The following ANK3 variants were observed in gnomAD, a reference collection of about 807,000 sequenced individuals.
The protein encoded by ANK3 is ankyrin 3, also known as ankyrin-3.
Under a neutral mutation model 370.9 loss-of-function variants are expected in ANK3, and 57 were observed. That is an observed-to-expected ratio of 0.15 (90% CI 0.12 to 0.19). The LOEUF is 0.19. ANK3 is among the 10% of genes least tolerant of loss of function. The pLI, the probability that ANK3 is intolerant of heterozygous loss-of-function variation, is 1.00. For synonymous variants in ANK3, 1,929 were observed against 1,946.3 expected (o/e 0.99, Z 0.23); for missense variants, 4,439 against 5,302.1 (o/e 0.84, Z 5.06).
chr10:60,437,138 T>G (rs2064179148), intron 2 of ANK3, among the ~76,000 whole-genome samples: 1 of 152,170 alleles, frequency 6.6e-6, no homozygotes, highest in Non-Finnish European at 1.5e-5. Flanking sequence ...AAATTCACAA[T>G]TACTATTTAA....
intron 1 of ANK3, among the ~76,000 whole-genome samples, chr10:60,342,998 T>G (rs1392510216): frequency 6.6e-6 from 1 of 152,114 alleles, no homozygotes; most frequent in Non-Finnish European, 1.5e-5. Flanking sequence ...TAAAAACCTA[T>G]AGAAAACACT....
rs1204796443 is a variant in ANK3 at position 60,071,802 on chromosome 10, T to C, written c.9079A>G (p.Lys3027Glu). 3 of 1,609,716 alleles carry C rather than the reference T, an allele frequency of 1.9e-6. No individual in the cohort carries two copies. The highest frequency in any genetic ancestry group is 2.7e-5 in the African/African-American group (2 of 74,692). ...CATAAACCTACATAACTCTGGTGTT[T>C]GGAAACTTTGCTGATTTCTGAATAG... ...VTYSEISKVS[K>E]HQSYVGLCPP... Residue 3027 changes from lysine to glutamate, a missense_variant, in exon 37 of 44, where the codon AAA becomes GAA. This residue lies in a region of ANK3 where 1,601 missense variants were observed against 1,731.7 expected (regional missense o/e 0.92). Transcript: ENST00000280772.
chr10:60,547,668 G>C (rs142447481), intron 2 of ANK3, among the ~76,000 whole-genome samples: 2,573 of 151,438 alleles, frequency 0.017, 57 homozygotes, highest in Admixed American at 0.07. Context: ...GACAGACAGA[G>C]AGACAGAGAG....
intron 2 of ANK3, among the ~76,000 whole-genome samples, chr10:60,560,245 G>A (rs1342917364): frequency 2.6e-5 from 4 of 152,176 alleles, no homozygotes; most frequent in South Asian, 2.1e-4. Flanking sequence ...TTAATATTTT[G>A]TAGTTTTTAC....
intron 2 of ANK3, among the ~76,000 whole-genome samples, chr10:60,400,026 GTGTGTGTGTGTGTGTGT>G (rs2132900217): frequency 1.6e-5 from 1 of 62,552 alleles, no homozygotes; most frequent in South Asian, 6.9e-4. Context: ...GTGTGTGTGT[GTGTGTGTGTGTGTGTGT>G]GTGTGTGTGT....
At chr10:60,143,107 A>G (rs939051724) in intron 23 of ANK3, among the ~76,000 whole-genome samples, 2 of 152,206 alleles carry the variant, frequency 1.3e-5, no homozygotes, top group Non-Finnish European at 2.9e-5. Flanking sequence ...CATGAACTCA[A>G]ATAGCATTTA....
chr10:60,082,238 A>G (rs2085459566), intron 34 of ANK3, 62 bp from the exon 35 acceptor site: 2 of 1,406,782 alleles, frequency 1.4e-6, no homozygotes. Flanking sequence ...AGGGAAAAGA[A>G]TATCAGGATA....
intron 1 of ANK3, among the ~76,000 whole-genome samples, chr10:60,321,708 G>A (rs1226437248): frequency 6.6e-6 from 1 of 152,192 alleles, no homozygotes; most frequent in African/African-American, 2.4e-5. Context: ...CGCAGAAGTG[G>A]GTGTCAAAGC....
chr10:60,100,583 AATAGT>A (rs2132066558), intron 28 of ANK3, among the ~76,000 whole-genome samples: 1 of 152,336 alleles, frequency 6.6e-6, no homozygotes, highest in Non-Finnish European at 1.5e-5. Context: ...ACAATAAAAC[AATAGT>A]GTAACTATTC....
intron 2 of ANK3, among the ~76,000 whole-genome samples, chr10:60,527,928 G>A (rs751354803): frequency 2.6e-5 from 4 of 152,000 alleles, no homozygotes; most frequent in African/African-American, 9.7e-5. Flanking sequence ...ACCCCTAACT[G>A]CTCCAAAGAG....
At chr10:60,547,256 A>C (rs1308757352) in intron 2 of ANK3, among the ~76,000 whole-genome samples, 1 of 150,680 alleles carries the variant, frequency 6.6e-6, no homozygotes, top group Non-Finnish European at 1.5e-5. Context: ...ATGGCTAGCT[A>C]ATTTTTTTGT....
intron 2 of ANK3, among the ~76,000 whole-genome samples, chr10:60,541,610 G>A (rs1186129940): frequency 6.6e-6 from 1 of 151,828 alleles, no homozygotes; most frequent in African/African-American, 2.4e-5. Context: ...ACAGCACCCA[G>A]CTTTCACTCA....
chr10:60,503,667 A>G (rs571568026), intron 2 of ANK3, among the ~76,000 whole-genome samples: 18 of 152,170 alleles, frequency 1.2e-4, no homozygotes, highest in Non-Finnish European at 2.5e-4. Context: ...CATTATCAAC[A>G]TAATTCAGTT....
chr10:60,629,920 A>C (rs1310685175), intron 1 of ANK3, among the ~76,000 whole-genome samples: 3 of 152,174 alleles, frequency 2.0e-5, no homozygotes, highest in African/African-American at 7.2e-5. Context: ...CCCTCAAAGC[A>C]ATTCAATAGC....
intron 1 of ANK3, among the ~76,000 whole-genome samples, chr10:60,292,632 TAA>T (rs2041670928): frequency 6.6e-6 from 1 of 151,672 alleles, no homozygotes; most frequent in Non-Finnish European, 1.5e-5. Context: ...CAAAAATACC[TAA>T]AGTATTTTTC....
chr10:60,529,750 T>C (rs994519336), intron 2 of ANK3, among the ~76,000 whole-genome samples: 1 of 152,302 alleles, frequency 6.6e-6, no homozygotes, highest in African/African-American at 2.4e-5. Flanking sequence ...TGTGACAATA[T>C]AGCATTTAGA....
chr10:60,148,585 C>T (rs1355577324), intron 23 of ANK3, among the ~76,000 whole-genome samples: 1 of 152,178 alleles, frequency 6.6e-6, no homozygotes, highest in Admixed American at 6.5e-5. Context: ...ATTAGTACTC[C>T]TTAACTCAGA....
Position 60,203,026 on chromosome 10 carries a change from T to C in ANK3, c.1368A>G (p.Gly456=). Residue 456 remains glycine, a synonymous_variant, in exon 12 of 44, where the codon GGA becomes GGG. Coordinates refer to ENST00000280772, the MANE Select transcript of ANK3 (RefSeq NM_020987.5). ...CCACATTGGTGGTGTTTGGTGAGGC[T>C]CCATGATGCATTAGTTGTGATACAA... ...VNIVSQLMHH[G]ASPNTTNVRG... 1 of 1,612,998 alleles carries C rather than the reference T, an allele frequency of 6.2e-7. No individual in the cohort carries two copies. The highest frequency in any genetic ancestry group is 1.3e-5 in the African/African-American group (1 of 75,010).
At chr10:60,677,798 A>AG (rs2079145842) in intron 1 of ANK3, among the ~76,000 whole-genome samples, 1 of 147,290 alleles carries the variant, frequency 6.8e-6, no homozygotes, top group Non-Finnish European at 1.5e-5. Context: ...AAAAAAAAAA[A>AG]AGAAAAGAAA....
Sources: allele counts gnomAD v4.1 joint callset (sites outside exome capture counted in the v4.1 genomes callset), GRCh38; gene constraint gnomAD v4.1.1; regional missense constraint gnomAD v4.1.1; transcripts MANE v1.5; gene names NCBI Gene and HGNC (gene_info 2026-07-23, HGNC 2026-07-21).